The following MELTF variants were observed in gnomAD, a reference collection of about 807,000 sequenced individuals.
MELTF encodes antigen p97 (melanoma associated) identified by monoclonal antibodies 133.2 and 96.5.
Under a neutral mutation model 83.7 loss-of-function variants are expected in MELTF, and 67 were observed. That is an observed-to-expected ratio of 0.80 (90% CI 0.66 to 0.98). The LOEUF (loss-of-function observed/expected upper bound fraction) is 0.98. Ranked by LOEUF, MELTF falls within the 50% of genes least tolerant of loss-of-function variation. The probability of loss-of-function intolerance (pLI) is 0.00; values close to 1 mark genes in which losing one functional copy is unlikely to be tolerated. For missense variants in MELTF, 1,002 were observed against 1,035.6 expected (o/e 0.97, Z 0.44); for synonymous variants, 462 against 447.6 (o/e 1.03, Z -0.41).
Position 197,018,933 on chromosome 3 carries a change from T to G in MELTF, c.713-1643A>C, listed in dbSNP as rs1719510231. 7.1e-6 allele frequency: 7 copies of G among 985,180 alleles called. No individual in the cohort carries two copies. The South Asian group carries it at 1.9e-4, about 26-fold the overall frequency. The allele number at this position is 985,180 out of a possible 1,614,324, so 61.0% of individuals were successfully genotyped here. ...TATTGAGAAGACGAATATTAAGGAC[T>G]ATAATTAAACCACAGATGGTCCCAC... On this transcript the variant is annotated intron_variant, in intron 6 of 15. Transcript: ENST00000296350.
At position 197,022,579 on chromosome 3, in the gene MELTF, C is replaced by A. The variant is rs1266136881; in HGVS notation, c.644+378G>T. Among the ~76,000 whole-genome samples the A allele has an allele frequency of 1.3e-5, 2 of 152,174 alleles. No homozygotes were observed. Among genetic ancestry groups the A allele is most frequent in the East Asian group, 3.9e-4 (2 of 5,188 alleles). On this transcript the variant is annotated intron_variant, in intron 5 of 15. Coordinates refer to ENST00000296350, the MANE Select transcript of MELTF (RefSeq NM_005929.6). The surrounding 1 kb of genome is among the most constrained non-coding windows in gnomAD (Gnocchi z 5.1). ...ATCCACGGAAGGGTTACCCAAGGTG[C>A]CAGCCGCAACCAGCAGCAGAGACGG...
At chr3:197,018,211 G>A (rs560616330) in intron 6 of MELTF, among the ~76,000 whole-genome samples, 2 of 152,052 alleles carry the variant, frequency 1.3e-5, no homozygotes, top group South Asian at 2.1e-4. Context: ...GCAGTGGCAC[G>A]ATCTCGGCTC....
At position 197,024,181 on chromosome 3, in the gene MELTF, G is replaced by T; in HGVS notation, c.487+122C>A. On this transcript the variant is annotated intron_variant, in intron 4 of 15. Transcript: ENST00000296350. The surrounding 1 kb of genome is among the most constrained non-coding windows in gnomAD (Gnocchi z 5.3). ...GCACGGGGCGGGCGGGGGCTGCTGCGCCTTCCAGGAATGAAGAATGGTGGC... is the reference window on the plus strand; with the variant it reads ...GCACGGGGCGGGCGGGGGCTGCTGCTCCTTCCAGGAATGAAGAATGGTGGC... 8.9e-7 allele frequency: 1 copy of T among 1,129,782 alleles called. No homozygotes were observed. The highest frequency in any genetic ancestry group is 1.2e-6 in the Non-Finnish European group (1 of 805,120). The allele number at this position is 1,129,782 out of a possible 1,614,324, so 70.0% of individuals were successfully genotyped here.
Position 197,003,330 on chromosome 3 carries a change from T to C in MELTF, c.*42A>G. On this transcript the variant is annotated 3_prime_UTR_variant, in exon 16 of 16. Coordinates refer to ENST00000296350, the MANE Select transcript of MELTF (RefSeq NM_005929.6). The surrounding 1 kb of genome is among the most constrained non-coding windows in gnomAD (Gnocchi z 6.2). ...TCCAGCGCGAAGCCGCCGCGGAAAC[T>C]CCCCGGGCGGGCATCGGAGCTCTGG... 1 of 1,004,630 alleles carries C rather than the reference T, an allele frequency of 1.0e-6. No homozygotes were observed. Among genetic ancestry groups the C allele is most frequent in the South Asian group, 4.6e-5 (1 of 21,628 alleles). 62.2% of individuals were successfully genotyped at this position (1,004,630 alleles called of 1,614,324 possible). A position where few individuals can be genotyped will look rare whatever the true frequency, so the allele number is the denominator to read the frequency against.
intron 8 of MELTF, among the ~76,000 whole-genome samples, chr3:197,015,821 G>A (rs1252823859): frequency 1.3e-5 from 2 of 152,172 alleles, no homozygotes; most frequent in African/African-American, 4.8e-5. Flanking sequence ...TAGTCCAGGC[G>A]AAAGATGGCA....
In MELTF at chr3:197,022,742, CGTT is replaced by C. The variant is rs903658574; in HGVS notation, c.644+212_644+214del. ...CTCACCTCACTAAATATACCAAACA[CGTT>C]GATTTCATGAGCAAATCCGGTTTGG... On this transcript the variant is annotated intron_variant, in intron 5 of 15. Transcript: ENST00000296350. The surrounding 1 kb of genome is among the most constrained non-coding windows in gnomAD (Gnocchi z 5.1). Among the ~76,000 whole-genome samples the C allele has an allele frequency of 6.6e-6, 1 of 152,192 alleles. No homozygotes were observed. The highest frequency in any genetic ancestry group is 2.4e-5 in the African/African-American group (1 of 41,430).
chr3:197,014,215 C>T (rs975570877), intron 9 of MELTF, among the ~76,000 whole-genome samples: 2 of 152,044 alleles, frequency 1.3e-5, no homozygotes, highest in African/African-American at 2.4e-5. Flanking sequence ...GCAACACGGA[C>T]GGAACTGGGG....
At chr3:197,025,751 C>T (rs565265362) in intron 3 of MELTF, 1 of 152,262 alleles carries the variant, frequency 6.6e-6, no homozygotes, top group Non-Finnish European at 1.5e-5. Flanking sequence ...CATTTGATGG[C>T]CATTAATTCA....
Position 197,016,430 on chromosome 3 carries a change from C to A in MELTF, c.901-61G>T, listed in dbSNP as rs573777452. 8.4e-5 allele frequency: 116 copies of A among 1,388,106 alleles called. 3 individuals carry two copies. In the South Asian group the frequency reaches 1.9e-3, roughly 23 times the overall value. The allele number at this position is 1,388,106 out of a possible 1,614,324, so 86.0% of individuals were successfully genotyped here. A position where few individuals can be genotyped will look rare whatever the true frequency, so the allele number is the denominator to read the frequency against. ...GTGCTGACAGGCCATATCCTTCCCT[C>A]CCACTTTGGCCCCTACCTCCTTCTT... On this transcript the variant is annotated intron_variant, in intron 7 of 15. Coordinates refer to ENST00000296350, the MANE Select transcript of MELTF (RefSeq NM_005929.6).
rs187486018 is a variant in MELTF, at chr3:197,007,769, C to G, written c.1750+888G>C. On this transcript the variant is annotated intron_variant, in intron 13 of 15. Transcript: ENST00000296350. This position sits in a 1 kb window ranked among gnomAD's most constrained non-coding sequence, Gnocchi z 4.3. ...GGTGACCCCCATAGGAGGCAAGATC[C>G]AAGTTTTGAAACACTAACTGAGGTT... Among the ~76,000 whole-genome samples the G allele has an allele frequency of 7.3e-4, 111 of 152,328 alleles. No individual in the cohort carries two copies. Among genetic ancestry groups the G allele is most frequent in the African/African-American group, 2.3e-3 (96 of 41,576 alleles).
At position 197,003,607 on chromosome 3, in the gene MELTF, C is replaced by T. The variant is rs2108949603; in HGVS notation, c.2138-156G>A. 1.5e-6 allele frequency: 1 copy of T among 685,342 alleles called. No individual in the cohort carries two copies. Among genetic ancestry groups the T allele is most frequent in the African/African-American group, 1.8e-5 (1 of 55,214 alleles). The allele number at this position is 685,342 out of a possible 1,614,324, so 42.5% of individuals were successfully genotyped here. ...TTCCCCTGCTGCCCTTCCAGATGCG[C>T]TCTTTCCAGAAAGGCAGCACACGCA... On this transcript the variant is annotated intron_variant, in intron 15 of 15. Coordinates refer to ENST00000296350, the MANE Select transcript of MELTF (RefSeq NM_005929.6). The surrounding 1 kb of genome is among the most constrained non-coding windows in gnomAD (Gnocchi z 6.2).
At chr3:197,010,979 G>A (rs1218228725) in intron 9 of MELTF, among the ~76,000 whole-genome samples, 185 bp from the exon 10 acceptor site, 1 of 152,186 alleles carries the variant, frequency 6.6e-6, no homozygotes, top group South Asian at 2.1e-4. Context: ...TTGTGAAGAC[G>A]CCTGGCCAGG....
chr3:197,016,507 TTCTGCGGCGCCTCCCCTGA>T (rs999913024), intron 7 of MELTF, 138 bp from the exon 8 acceptor site: 35 of 698,154 alleles, frequency 5.0e-5, no homozygotes, highest in African/African-American at 7.3e-5. Flanking sequence ...GGCCTCCCTC[TTCTGCGGCGCCTCCCCTGA>T]TCTGCGGCCT....
At chr3:197,016,452 T>C (rs1250790329) in intron 7 of MELTF, 83 bp from the exon 8 acceptor site, 7 of 1,305,008 alleles carry the variant, frequency 5.4e-6, no homozygotes, top group South Asian at 1.8e-5. Flanking sequence ...CCTACCTCCT[T>C]CTTCCCCGAC....
chr3:197,024,677 T>A lies in MELTF; in HGVS notation c.305-192A>T, dbSNP rs893005932. On this transcript the variant is annotated intron_variant, in intron 3 of 15. Coordinates refer to ENST00000296350, the MANE Select transcript of MELTF (RefSeq NM_005929.6). This position sits in a 1 kb window ranked among gnomAD's most constrained non-coding sequence, Gnocchi z 5.3. ...CTGCATGTATTAAGAGGCCCTGCCC[T>A]CTAGCCTCTTGAGGTAGAGACGATC... Among the ~76,000 whole-genome samples the A allele has an allele frequency of 6.6e-6, 1 of 152,240 alleles. No individual in the cohort carries two copies. Among genetic ancestry groups the A allele is most frequent in the Admixed American group, 6.5e-5 (1 of 15,292 alleles).
intron 14 of MELTF, among the ~76,000 whole-genome samples, chr3:197,005,195 A>G (rs1718933143): frequency 6.6e-6 from 1 of 152,218 alleles, no homozygotes; most frequent in Admixed American, 6.5e-5. Context: ...TTTTGAAAGC[A>G]CAACCAATGG....
intron 6 of MELTF, among the ~76,000 whole-genome samples, chr3:197,020,480 A>AAC (rs1719574576): frequency 6.9e-6 from 1 of 144,510 alleles, no homozygotes; most frequent in Non-Finnish European, 1.5e-5. Context: ...AATGGGTCAG[A>AAC]ACACACACGC....
At position 197,006,379 on chromosome 3, in the gene MELTF, CAG is replaced by C. The variant is rs1254629344; in HGVS notation, c.1938+168_1938+169del. On this transcript the variant is annotated intron_variant, in intron 14 of 15. Transcript: ENST00000296350. This position sits in a 1 kb window ranked among gnomAD's most constrained non-coding sequence, Gnocchi z 5.4. Reference sequence around the variant, plus strand: ...AAGGGAAAATCAACGATGCAGGAGGCAGAGGGGACAGTTTCTGGAGGGATGTC... The same window carrying C: ...AAGGGAAAATCAACGATGCAGGAGGCAGGGGACAGTTTCTGGAGGGATGTC... Among the ~76,000 whole-genome samples, 1 of 152,172 alleles carries C rather than the reference CAG, an allele frequency of 6.6e-6. No individual in the cohort carries two copies. The highest frequency in any genetic ancestry group is 1.5e-5 in the Non-Finnish European group (1 of 68,026).
chr3:197,019,277 A>G (rs1719525396), intron 6 of MELTF: 5 of 1,040,328 alleles, frequency 4.8e-6, no homozygotes, highest in Non-Finnish European at 5.8e-6. Context: ...CAAAGGCATC[A>G]TTTAGGTGCT....
Sources: gnomAD v4.1 joint callset for allele counts (sites outside exome capture counted in the v4.1 genomes callset) on GRCh38, gnomAD v4.1.1 for gene constraint, Gnocchi (gnomAD v3.1) non-coding constraint, MANE v1.5 for transcripts, NCBI Gene and HGNC (gene_info 2026-07-23, HGNC 2026-07-21) for gene names.